SLIT1: variants seen among roughly 807,000 people sequenced by gnomAD.
SLIT1 encodes the protein slit homolog 1 protein.
SLIT1 carries 66 observed loss-of-function variants against 186.1 expected under a neutral mutation model. The ratio of observed to expected loss-of-function variants is 0.35; its 90% CI spans 0.29 to 0.44. The LOEUF is 0.44. Among genes scored for constraint, SLIT1 ranks in the 20% least tolerant of loss-of-function variants. The pLI is 1.00. For synonymous variants in SLIT1, 761 were observed against 833.8 expected, an observed-to-expected ratio of 0.91 and a Z score of 1.50; for missense variants, 1,638 against 2,037.4, an observed-to-expected ratio of 0.80 and a Z score of 3.77.
chr10:97,004,337 G>A lies in SLIT1; in HGVS notation c.3711-115C>T, dbSNP rs556220123. 48 of 1,052,774 alleles carry A rather than the reference G, an allele frequency of 4.6e-5. No individual in the cohort carries two copies. Among genetic ancestry groups the A allele is most frequent in the Admixed American group, 8.8e-5 (4 of 45,338 alleles). 65.2% of individuals were successfully genotyped at this position (1,052,774 alleles called of 1,614,324 possible). ...GCTTCCCAGGAGACCAAATATCTAAGGAAAAGGACTGTGGGGGCTCAAGGG... is the reference window on the plus strand; with the variant it reads ...GCTTCCCAGGAGACCAAATATCTAAAGAAAAGGACTGTGGGGGCTCAAGGG... On this transcript the variant is annotated intron_variant, in intron 33 of 36. Transcript: ENST00000266058. This position sits in a 1 kb window ranked among gnomAD's most constrained non-coding sequence, Gnocchi z 5.1.
At chr10:97,064,740 C>A in intron 6 of SLIT1, 65 bp downstream of exon 6, 4 of 1,234,548 alleles carry the variant, frequency 3.2e-6, no homozygotes, top group Non-Finnish European at 3.4e-6. Context: ...GCCTAGGCTG[C>A]GGCACTTGGC....
intron 4 of SLIT1, among the ~76,000 whole-genome samples, chr10:97,156,443 T>C (rs993454087): frequency 6.6e-6 from 1 of 152,026 alleles, no homozygotes; most frequent in Non-Finnish European, 1.5e-5. Context: ...CCAGGCATGG[T>C]AGTGCATACC....
chr10:97,108,318 G>C (rs753533693), intron 4 of SLIT1, among the ~76,000 whole-genome samples: 1 of 152,186 alleles, frequency 6.6e-6, no homozygotes, highest in Non-Finnish European at 1.5e-5. Flanking sequence ...TCACCTCTCC[G>C]TGCCTCAGTT....
chr10:97,126,924 G>A (rs1321075272), intron 4 of SLIT1, among the ~76,000 whole-genome samples: 2 of 152,186 alleles, frequency 1.3e-5, no homozygotes, highest in Non-Finnish European at 2.9e-5. Context: ...CCCTGAGCAT[G>A]CACAGAATTC....
rs1848714135 is a variant in SLIT1 at position 97,043,959 on chromosome 10, T to C, written c.1854-446A>G. Among the ~76,000 whole-genome samples, 1 of 152,068 alleles carries C rather than the reference T, an allele frequency of 6.6e-6. No homozygotes were observed. The highest frequency in any genetic ancestry group is 1.5e-5 in the Non-Finnish European group (1 of 68,014). ...AACTCCTTACTGTGACCTGAGACCA[T>C]GTCTACCCAGACCCGGACCATCTCA... On this transcript the variant is annotated intron_variant, in intron 18 of 36. Coordinates refer to ENST00000266058, the MANE Select transcript of SLIT1 (RefSeq NM_003061.3). This position sits in a 1 kb window ranked among gnomAD's most constrained non-coding sequence, Gnocchi z 7.0.
chr10:97,136,815 C>T (rs1056673480), intron 4 of SLIT1, among the ~76,000 whole-genome samples: 1 of 152,184 alleles, frequency 6.6e-6, no homozygotes, highest in South Asian at 2.1e-4. Flanking sequence ...GGGGCAGTGG[C>T]CGGGTCACCA....
chr10:97,003,041 G>T, intron 34 of SLIT1, 49 bp from the exon 35 acceptor site: 1 of 1,564,616 alleles, frequency 6.4e-7, no homozygotes, highest in Admixed American at 1.7e-5. Flanking sequence ...CTCGGGCTAT[G>T]CCGGGCACCC....
intron 30 of SLIT1, among the ~76,000 whole-genome samples, chr10:97,011,397 G>A (rs945394534): frequency 6.6e-6 from 1 of 152,094 alleles, no homozygotes; most frequent in African/African-American, 2.4e-5. Context: ...CCCAGTAGCA[G>A]GGGCAGATGG....
chr10:97,108,227 G>A (rs772957221), intron 4 of SLIT1, among the ~76,000 whole-genome samples: 2 of 152,162 alleles, frequency 1.3e-5, no homozygotes, highest in Non-Finnish European at 2.9e-5. Flanking sequence ...CAGGGGAGGT[G>A]GGTAGGAGGG....
chr10:97,051,391 G>A (rs930206598), intron 13 of SLIT1, among the ~76,000 whole-genome samples: 1 of 152,142 alleles, frequency 6.6e-6, no homozygotes, highest in African/African-American at 2.4e-5. Flanking sequence ...ATTAGAATGA[G>A]AGAAATTTGG....
chr10:97,105,948 G>C (rs1158805155), intron 4 of SLIT1, among the ~76,000 whole-genome samples: 10 of 152,218 alleles, frequency 6.6e-5, no homozygotes, highest in African/African-American at 2.4e-4. Context: ...TCAGGATATG[G>C]GACAGAACCT....
chr10:97,020,219 C>T (rs531931282), intron 26 of SLIT1, among the ~76,000 whole-genome samples: 9 of 152,042 alleles, frequency 5.9e-5, no homozygotes, highest in African/African-American at 1.9e-4. Context: ...GCGACCCTCC[C>T]ACCTCAACCT....
chr10:97,002,858 C>T lies in SLIT1; in HGVS notation c.4000G>A (p.Gly1334Ser), dbSNP rs1255851784. Residue 1334 changes from glycine to serine, a missense_variant, in exon 35 of 37, where the codon GGC becomes AGC. By Grantham distance (56) the Gly-to-Ser change is moderately conservative. Around this residue, in one of 3 missense-constraint regions of SLIT1, gnomAD observed 173 missense variants for 290.9 expected, o/e 0.59. Coordinates refer to ENST00000266058, the MANE Select transcript of SLIT1 (RefSeq NM_003061.3). ...CAGGGTTCGCAGCCTGGCACCACGC[C>T]TGGCTTCATCTGCGTCTTGGTGAAG... Reference protein sequence around the residue: ...QDFTKTQMKPGVVPGCEPCRK... With the variant: ...QDFTKTQMKPSVVPGCEPCRK... The T allele has an allele frequency of 1.9e-6, 3 of 1,614,244 alleles. No individual in the cohort carries two copies. The highest frequency in any genetic ancestry group is 2.5e-6 in the Non-Finnish European group (3 of 1,180,040).
intron 13 of SLIT1, 62 bp from the exon 14 acceptor site, chr10:97,049,180 C>T: frequency 6.4e-7 from 1 of 1,557,980 alleles, no homozygotes; most frequent in East Asian, 2.3e-5. Flanking sequence ...CTGACCTCCA[C>T]CGGGACAGGG....
intron 4 of SLIT1, among the ~76,000 whole-genome samples, chr10:97,146,936 G>C (rs1449238389): frequency 6.7e-6 from 1 of 148,522 alleles, no homozygotes; most frequent in African/African-American, 2.5e-5. Flanking sequence ...TTCTCTGGTG[G>C]AGAAGGCAAA....
chr10:97,144,598 AGGCAGTGGAACTGAG>A (rs1469541787), intron 4 of SLIT1, among the ~76,000 whole-genome samples: 1 of 152,192 alleles, frequency 6.6e-6, no homozygotes, highest in Non-Finnish European at 1.5e-5. Flanking sequence ...CAGAGAAGAC[AGGCAGTGGAACTGAG>A]GGCAGGCCCC....
intron 20 of SLIT1, among the ~76,000 whole-genome samples, chr10:97,040,702 A>T (rs895959177): frequency 6.6e-6 from 1 of 152,196 alleles, no homozygotes; most frequent in Non-Finnish European, 1.5e-5. Context: ...GGTCCAAGGC[A>T]ATGCAGAGTC....
intron 22 of SLIT1, among the ~76,000 whole-genome samples, chr10:97,036,095 C>G (rs1848636288): frequency 6.6e-6 from 1 of 152,196 alleles, no homozygotes; most frequent in Non-Finnish European, 1.5e-5. Context: ...TCACGTCTGC[C>G]CACTTCATGC....
intron 4 of SLIT1, among the ~76,000 whole-genome samples, chr10:97,100,230 C>G (rs12416449): frequency 0.14 from 20,728 of 152,128 alleles, 1,745 homozygotes; most frequent in African/African-American, 0.22. Context: ...ACCCGGCATG[C>G]AGGGAGTGGA....
Sources: gnomAD v4.1 joint callset for allele counts (sites outside exome capture counted in the v4.1 genomes callset) on GRCh38, gnomAD v4.1.1 for gene constraint, gnomAD v4.1.1 regional missense constraint, Gnocchi (gnomAD v3.1) non-coding constraint, MANE v1.5 for transcripts, NCBI Gene and HGNC (gene_info 2026-07-23, HGNC 2026-07-21) for gene names.